Variants in CDH7 observed in about 807,000 individuals in gnomAD.
The protein encoded by CDH7 is cadherin-7.
A neutral mutation model predicts 71.8 loss-of-function variants in CDH7; 25 were observed. The observed-to-expected ratio is 0.35, with a 90% CI of 0.25 to 0.49. CDH7 has a LOEUF of 0.49. CDH7 is among the 20% of genes least tolerant of loss of function. CDH7 has a pLI of 0.99. For missense variants in CDH7, 862 were observed against 974.6 expected, an observed-to-expected ratio of 0.88 and a Z score of 1.54; for synonymous variants, 381 against 363.8, an observed-to-expected ratio of 1.05 and a Z score of -0.54.
At chr18:65,836,180 C>A (rs1394346715) in intron 6 of CDH7, among the ~76,000 whole-genome samples, 1 of 152,150 alleles carries the variant, frequency 6.6e-6, no homozygotes, top group South Asian at 2.1e-4. Flanking sequence ...AACTATAAAG[C>A]AACAAATTTC....
At chr18:65,867,974 C>T (rs1913815459) in intron 11 of CDH7, among the ~76,000 whole-genome samples, 1 of 152,168 alleles carries the variant, frequency 6.6e-6, no homozygotes, top group Non-Finnish European at 1.5e-5. Flanking sequence ...TATTTGGCCA[C>T]CAGTAACTGT....
In CDH7 at chr18:65,880,805, C is replaced by T; in HGVS notation, c.2269C>T (p.Gln757Ter). 6.2e-7 allele frequency: 1 copy of T among 1,614,054 alleles called. No homozygotes were observed. The highest frequency in any genetic ancestry group is 8.5e-7 in the Non-Finnish European group (1 of 1,179,964). The change falls in exon 12 of 12, where the codon CAG (glutamine) becomes TAG (stop). Residue 757 changes from glutamine (Q) to a stop codon, truncating the protein, a stop_gained. Coordinates refer to ENST00000397968, the MANE Select transcript of CDH7 (RefSeq NM_004361.5). LOFTEE classifies it high-confidence loss of function. Reference protein sequence around the residue: ...SLDSISSNSDQNYDYLSDWGP... With the variant: ...SLDSISSNSD ...AGATTCCATCAGCTCAAACTCTGAT[C>T]AGAACTATGACTACCTAAGTGACTG... is the stretch of plus-strand genomic sequence containing the variant.
Position 65,824,709 on chromosome 18 carries a change from G to T in CDH7, c.859G>T (p.Ala287Ser). Residue 287 changes from alanine to serine, a missense_variant, in exon 6 of 12, where the codon GCT (alanine) becomes TCT (serine). Coordinates refer to ENST00000397968, the MANE Select transcript of CDH7 (RefSeq NM_004361.5). Reference sequence around the variant, plus strand: ...CTCAGTTGTGGCCAGAATTAAAGCTGCTGATGCAGATATTGGAGCTAATGC... The same window carrying T: ...CTCAGTTGTGGCCAGAATTAAAGCTTCTGATGCAGATATTGGAGCTAATGC... ...VASVVARIKA[A>S]DADIGANAEM... 1.2e-6 allele frequency: 2 copies of T among 1,612,500 alleles called. No homozygotes were observed. Among genetic ancestry groups the T allele is most frequent in the South Asian group, 1.1e-5 (1 of 91,008 alleles).
chr18:65,877,170 A>G (rs1442013365), intron 11 of CDH7, among the ~76,000 whole-genome samples: 2 of 152,136 alleles, frequency 1.3e-5, no homozygotes, highest in African/African-American at 4.8e-5. Flanking sequence ...AAATGTTAAA[A>G]TTATCTAACC....
intron 2 of CDH7, among the ~76,000 whole-genome samples, chr18:65,781,841 T>C (rs1910232692): frequency 1.0e-5 from 1 of 98,250 alleles, no homozygotes; most frequent in African/African-American, 6.5e-5. Context: ...TTTCTTTCTT[T>C]CTTTCTTTCT....
chr18:65,763,050 A>C lies in CDH7; in HGVS notation c.208A>C (p.Lys70Gln), dbSNP rs1304035971. 6.2e-7 allele frequency: 1 copy of C among 1,604,798 alleles called. No homozygotes were observed. Among genetic ancestry groups the C allele is most frequent in the Non-Finnish European group, 8.5e-7 (1 of 1,173,664 alleles). Residue 70 changes from lysine (K) to glutamine (Q), a missense_variant and splice_region_variant, in exon 2 of 12, where the codon AAG becomes CAG. Transcript: ENST00000397968. ...GGGTTCAGACCCCCTCTATGTAGGA[A>C]AGGTAGGGTATTGTGACCTTTCAAA... ...YMGSDPLYVG[K>Q]LHSDVDKGDG...
At position 65,888,390 on chromosome 18, in the gene CDH7, G is replaced by A. The variant is rs138515528; in HGVS notation, c.*7496G>A. ...AGATACATAGAAGAAAATAATTTCC[G>A]CAATTCTTGGTACCTCAAAAGACCT... is the stretch of plus-strand genomic sequence containing the variant. On this transcript the variant is annotated 3_prime_UTR_variant, in exon 12 of 12. Coordinates refer to ENST00000397968, the MANE Select transcript of CDH7 (RefSeq NM_004361.5). 484 of 152,094 alleles carry A rather than the reference G, an allele frequency of 3.2e-3. 8 individuals carry two copies. The highest frequency in any genetic ancestry group is 0.011 in the African/African-American group (459 of 41,500). 9.4% of individuals were successfully genotyped at this position (152,094 alleles called of 1,614,324 possible). A position where few individuals can be genotyped will look rare whatever the true frequency, so the allele number is the denominator to read the frequency against.
chr18:65,773,810 G>A (rs1022801821), intron 2 of CDH7, among the ~76,000 whole-genome samples: 1 of 151,974 alleles, frequency 6.6e-6, no homozygotes, highest in African/African-American at 2.4e-5. Context: ...TGTATGGGAC[G>A]CTTATGAAAC....
At chr18:65,753,798 C>T (rs1445480118) in intron 1 of CDH7, among the ~76,000 whole-genome samples, 1 of 152,164 alleles carries the variant, frequency 6.6e-6, no homozygotes, top group Non-Finnish European at 1.5e-5. Flanking sequence ...AGCACTTCCC[C>T]CTTGTTTTTC....
Position 65,887,351 on chromosome 18 carries a change from G to A in CDH7, c.*6457G>A, listed in dbSNP as rs1436014095. 1 of 151,818 alleles carries A rather than the reference G, an allele frequency of 6.6e-6. No individual in the cohort carries two copies. The highest frequency in any genetic ancestry group is 1.5e-5 in the Non-Finnish European group (1 of 67,986). 9.4% of individuals were successfully genotyped at this position (151,818 alleles called of 1,614,324 possible). On this transcript the variant is annotated 3_prime_UTR_variant, in exon 12 of 12. Coordinates refer to ENST00000397968, the MANE Select transcript of CDH7 (RefSeq NM_004361.5). ...TACATATGTATACATGTGCCATGCT[G>A]GTGTGCGGCACCCATTAACTCGTCA... is the stretch of plus-strand genomic sequence containing the variant.
chr18:65,808,466 T>C (rs60921804), intron 2 of CDH7, among the ~76,000 whole-genome samples: 3,090 of 152,288 alleles, frequency 0.02, 44 homozygotes, highest in Admixed American at 0.026. Flanking sequence ...AAAAGTTAAA[T>C]TATAACTTGT....
At chr18:65,855,099 G>C (rs988784512) in intron 7 of CDH7, among the ~76,000 whole-genome samples, 31 of 151,982 alleles carry the variant, frequency 2.0e-4, no homozygotes, top group Non-Finnish European at 4.0e-4. Flanking sequence ...GTTTAGTGAA[G>C]ATGAGTATAC....
Position 65,809,871 on chromosome 18 carries a change from T to A in CDH7, c.378T>A (p.Asp126Glu). The part of the protein sequence containing the change: ...AYYTLRAQAL[D>E]RLTNKPVEPE... ...ACACGCTCCGAGCTCAAGCGCTGGA[T>A]AGGCTCACCAACAAACCCGTGGAGC... Residue 126 changes from aspartate (D) to glutamate (E), a missense_variant, in exon 3 of 12, where the codon GAT (aspartate) becomes GAA (glutamate). Physicochemically the swap from Asp to Glu is conservative, Grantham distance 45. Coordinates refer to ENST00000397968, the MANE Select transcript of CDH7 (RefSeq NM_004361.5). The A allele has an allele frequency of 6.2e-7, 1 of 1,613,852 alleles. No homozygotes were observed. Among genetic ancestry groups the A allele is most frequent in the Non-Finnish European group, 8.5e-7 (1 of 1,179,952 alleles).
In CDH7 at chr18:65,771,652, G is replaced by A. The variant is rs180851883; in HGVS notation, c.210+8600G>A. Among the ~76,000 whole-genome samples the A allele has an allele frequency of 4.0e-5, 6 of 151,510 alleles. No individual in the cohort carries two copies. The East Asian group carries it at 1.2e-3, about 29-fold the overall frequency. On this transcript the variant is annotated intron_variant, in intron 2 of 11. Coordinates refer to ENST00000397968, the MANE Select transcript of CDH7 (RefSeq NM_004361.5). ...GATCATGCCACTGCACTCCAGCCTG[G>A]TCTAGAAAGTGAGACTCTGCCTCAA...
At chr18:65,797,655 G>T (rs1427407358) in intron 2 of CDH7, among the ~76,000 whole-genome samples, 1 of 152,106 alleles carries the variant, frequency 6.6e-6, no homozygotes, top group Non-Finnish European at 1.5e-5. Context: ...TGTGAACCAG[G>T]TTTGTTTTTC....
At chr18:65,815,438 A>T (rs770127552) in intron 4 of CDH7, among the ~76,000 whole-genome samples, 3 of 152,212 alleles carry the variant, frequency 2.0e-5, no homozygotes, top group Non-Finnish European at 4.4e-5. Context: ...TATGATTATG[A>T]ATAGTCATCA....
chr18:65,814,118 G>T (rs976010407), intron 3 of CDH7, among the ~76,000 whole-genome samples: 1 of 152,232 alleles, frequency 6.6e-6, no homozygotes, highest in East Asian at 1.9e-4. Flanking sequence ...TCTAGACAGT[G>T]ATTGAGTCTT....
intron 5 of CDH7, among the ~76,000 whole-genome samples, chr18:65,823,240 T>C (rs1267703267): frequency 1.3e-5 from 2 of 151,924 alleles, no homozygotes; most frequent in Non-Finnish European, 2.9e-5. Context: ...CCTGGTAATA[T>C]AAAAAAGTGA....
intron 5 of CDH7, among the ~76,000 whole-genome samples, chr18:65,822,591 G>A (rs937349449): frequency 2.0e-5 from 3 of 151,774 alleles, no homozygotes; most frequent in Admixed American, 6.6e-5. Context: ...AAATTATAAA[G>A]TTGTTGCCAA....
Sources: gnomAD v4.1 joint callset for allele counts (sites outside exome capture counted in the v4.1 genomes callset) on GRCh38, gnomAD v4.1.1 for gene constraint, MANE v1.5 for transcripts, NCBI Gene and HGNC (gene_info 2026-07-23, HGNC 2026-07-21) for gene names.